LINGO2: variants seen among roughly 807,000 people sequenced by gnomAD.
The protein encoded by LINGO2 is leucine rich repeat and Ig domain containing 2.
In LINGO2, 14 loss-of-function variants were observed where a neutral mutation model predicts 30.6. The ratio of observed to expected loss-of-function variants is 0.46; its 90% confidence interval spans 0.30 to 0.72. LINGO2 has a LOEUF of 0.72. Among genes scored for constraint, LINGO2 ranks in the 30% least tolerant of loss-of-function variants. The pLI is 0.07. For synonymous variants in LINGO2, 317 were observed against 288.5 expected, an observed-to-expected ratio of 1.10 and a Z score of -1.00; for missense variants, 729 against 751.7, an observed-to-expected ratio of 0.97 and a Z score of 0.35.
chr9:28,030,061 G>A lies in LINGO2; in HGVS notation c.-86-17656C>T, dbSNP rs1823590643. 3.3e-5 allele frequency among the ~76,000 whole-genome samples: 5 copies of A among 152,156 alleles called. 1 individual carries two copies. In the South Asian group the frequency reaches 8.3e-4, roughly 25 times the overall value. On this transcript the variant is annotated intron_variant, in intron 4 of 5. Transcript: ENST00000379992. ...CACAAGTAAAGCTGATCCCCAAGGA[G>A]AAGGTATTCTGACTTGTAAGAGCTT...
At chr9:28,037,710 C>A (rs969797137) in intron 4 of LINGO2, among the ~76,000 whole-genome samples, 8 of 152,198 alleles carry the variant, frequency 5.3e-5, no homozygotes, top group African/African-American at 1.9e-4. Context: ...CAATGAACTA[C>A]CAATAAATTA....
chr9:28,649,775 A>T (rs941511722), intron 1 of LINGO2, among the ~76,000 whole-genome samples: 1 of 152,058 alleles, frequency 6.6e-6, no homozygotes, highest in African/African-American at 2.4e-5. Flanking sequence ...GTGAAAAATT[A>T]AAAAAATAAA....
chr9:28,236,035 T>C (rs916857432), intron 4 of LINGO2, among the ~76,000 whole-genome samples: 1 of 151,992 alleles, frequency 6.6e-6, no homozygotes, highest in African/African-American at 2.4e-5. Flanking sequence ...AGGCATGTAA[T>C]AATCAAACTC....
intron 4 of LINGO2, among the ~76,000 whole-genome samples, chr9:28,106,794 A>T (rs577980642): frequency 2.2e-4 from 34 of 152,306 alleles, no homozygotes; most frequent in Admixed American, 7.2e-4. Context: ...TGGGGGAAAA[A>T]TAGCTATATC....
intron 2 of LINGO2, among the ~76,000 whole-genome samples, chr9:28,389,239 G>C (rs1280013682): frequency 6.6e-6 from 1 of 151,804 alleles, no homozygotes; most frequent in Non-Finnish European, 1.5e-5. Context: ...TATTCTTTTA[G>C]CTTATATTTA....
the LINGO2 span, among the ~76,000 whole-genome samples, chr9:29,207,514 T>A: frequency 6.6e-6 from 1 of 152,158 alleles, no homozygotes; most frequent in African/African-American, 2.4e-5. Context: ...GTGCTGGGAA[T>A]CTTATATTTT....
rs1003899277 is a variant in LINGO2, at chr9:28,003,635, G to C, written c.-36+8720C>G. Among the ~76,000 whole-genome samples, 4 of 152,078 alleles carry C rather than the reference G, an allele frequency of 2.6e-5. No homozygotes were observed. The South Asian group carries it at 8.3e-4, about 32-fold the overall frequency. ...TGCCACCACACCCGGCTAATTTTTCGTATTTTTAGTAGAAACGGGGTTTCA... is the reference window on the plus strand; with the variant it reads ...TGCCACCACACCCGGCTAATTTTTCCTATTTTTAGTAGAAACGGGGTTTCA... On this transcript the variant is annotated intron_variant, in intron 5 of 5. Coordinates refer to ENST00000379992, the Ensembl canonical transcript of LINGO2.
At chr9:28,478,299 TA>T (rs1825802257) in intron 1 of LINGO2, among the ~76,000 whole-genome samples, 1 of 152,156 alleles carries the variant, frequency 6.6e-6, no homozygotes, top group Non-Finnish European at 1.5e-5. Flanking sequence ...ATCATTCTAC[TA>T]AAATATATGC....
chr9:29,087,126 C>T, the LINGO2 span, among the ~76,000 whole-genome samples: 1 of 152,068 alleles, frequency 6.6e-6, no homozygotes, highest in Non-Finnish European at 1.5e-5. Context: ...ATCCACCGGC[C>T]CTGGCCTACC....
the LINGO2 span, among the ~76,000 whole-genome samples, chr9:29,159,099 T>A: frequency 6.6e-6 from 1 of 152,116 alleles, no homozygotes; most frequent in African/African-American, 2.4e-5. Flanking sequence ...CTCCATACTC[T>A]CCTGCACTAT....
the LINGO2 span, among the ~76,000 whole-genome samples, chr9:28,877,664 G>A: frequency 3.8e-4 from 58 of 152,034 alleles, no homozygotes; most frequent in African/African-American, 1.3e-3. Flanking sequence ...GCCTTGTAGT[G>A]TAGTTTGAAG....
At chr9:28,916,238 C>T in the LINGO2 span, among the ~76,000 whole-genome samples, 2 of 152,088 alleles carry the variant, frequency 1.3e-5, no homozygotes, top group Non-Finnish European at 2.9e-5. Context: ...ATTTCACCCC[C>T]GAATTTGTTT....
chr9:29,089,158 T>A, the LINGO2 span, among the ~76,000 whole-genome samples: 6 of 152,000 alleles, frequency 3.9e-5, no homozygotes, highest in South Asian at 8.3e-4. Flanking sequence ...TAAAACAGAA[T>A]TAAATTCATT....
At chr9:28,875,210 G>T in the LINGO2 span, among the ~76,000 whole-genome samples, 8 of 151,934 alleles carry the variant, frequency 5.3e-5, no homozygotes, top group Non-Finnish European at 1.2e-4. Context: ...TTAAAAAATA[G>T]TACAACTTAC....
intron 1 of LINGO2, among the ~76,000 whole-genome samples, chr9:28,661,338 C>T (rs74349857): frequency 5.9e-4 from 90 of 152,230 alleles, no homozygotes; most frequent in Non-Finnish European, 1.0e-3. Context: ...ATGAGGCCAT[C>T]CTGGAGTAGC....
At chr9:28,270,178 T>A (rs138411395) in intron 4 of LINGO2, among the ~76,000 whole-genome samples, 1 of 152,220 alleles carries the variant, frequency 6.6e-6, no homozygotes, top group East Asian at 1.9e-4. Flanking sequence ...TATCTCTCAG[T>A]TGTTCTCAAT....
chr9:28,032,455 G>C (rs775177316), intron 4 of LINGO2, among the ~76,000 whole-genome samples: 3 of 152,174 alleles, frequency 2.0e-5, no homozygotes, highest in African/African-American at 4.8e-5. Flanking sequence ...AACTGCTCAT[G>C]CCTTATGATT....
At chr9:29,210,757 A>G in the LINGO2 span, among the ~76,000 whole-genome samples, 3 of 152,226 alleles carry the variant, frequency 2.0e-5, no homozygotes, top group Non-Finnish European at 4.4e-5. Flanking sequence ...GCCTTACATA[A>G]CTAAACCACT....
chr9:29,130,972 C>T, the LINGO2 span, among the ~76,000 whole-genome samples: 1 of 152,236 alleles, frequency 6.6e-6, no homozygotes, highest in African/African-American at 2.4e-5. Flanking sequence ...CTGTGGAAGA[C>T]CTTAAGCAGC....
Sources: allele counts gnomAD v4.1 joint callset (sites outside exome capture counted in the v4.1 genomes callset), GRCh38; gene constraint gnomAD v4.1.1; transcripts MANE v1.5; gene names NCBI Gene and HGNC (gene_info 2026-07-23, HGNC 2026-07-21).